Variants in ASIC2 observed in about 807,000 individuals in gnomAD.
The protein encoded by ASIC2 is acid sensing ion channel subunit 2.
Under a neutral mutation model 57.3 loss-of-function variants are expected in ASIC2, and 25 were observed. The ratio of observed to expected loss-of-function variants is 0.44; its 90% CI spans 0.32 to 0.61. The LOEUF (loss-of-function observed/expected upper bound fraction) is 0.61. Ranked by LOEUF, ASIC2 falls within the 20% of genes least tolerant of loss-of-function variation. ASIC2 has a pLI of 0.06. For missense variants in ASIC2, 641 were observed against 738.1 expected, an observed-to-expected ratio of 0.87 and a Z score of 1.52; for synonymous variants, 319 against 307.5, an observed-to-expected ratio of 1.04 and a Z score of -0.39.
intron 1 of ASIC2, among the ~76,000 whole-genome samples, chr17:34,011,003 C>CACACACAG (rs1555580897): frequency 8.5e-5 from 5 of 58,906 alleles, no homozygotes; most frequent in South Asian, 5.8e-4. Context: ...GTCAGACACA[C>CACACACAG]ACACACACAG....
rs532004507 is a variant in ASIC2, at chr17:33,106,351, T to C, written c.859+5566A>G. ...TTATCATGTTAACACTAATTAACAC[T>C]AGGATTTGGGGAAATCAGGGCAGAT... On this transcript the variant is annotated intron_variant, in intron 2 of 9. Coordinates refer to ENST00000225823, the MANE Select transcript of ASIC2 (RefSeq NM_183377.2). Among the ~76,000 whole-genome samples the C allele has an allele frequency of 2.9e-4, 44 of 152,290 alleles. No homozygotes were observed. In the South Asian group the frequency reaches 5.2e-3, roughly 18 times the overall value.
intron 1 of ASIC2, among the ~76,000 whole-genome samples, chr17:33,118,719 G>A (rs2092290083): frequency 6.6e-6 from 1 of 152,118 alleles, no homozygotes; most frequent in African/African-American, 2.4e-5. Flanking sequence ...ACTTGTCCCA[G>A]GTCACGCAGC....
At chr17:33,718,843 C>A (rs1034233563) in intron 1 of ASIC2, among the ~76,000 whole-genome samples, 3 of 152,178 alleles carry the variant, frequency 2.0e-5, no homozygotes, top group African/African-American at 7.2e-5. Flanking sequence ...CAGCTAGCAG[C>A]TTGCAGGTGG....
At chr17:33,731,463 A>G (rs2142091036) in intron 1 of ASIC2, among the ~76,000 whole-genome samples, 1 of 152,274 alleles carries the variant, frequency 6.6e-6, no homozygotes, top group African/African-American at 2.4e-5. Flanking sequence ...GGAAAGTTTG[A>G]ATCAAATGTC....
chr17:33,383,836 A>G (rs568475352), intron 1 of ASIC2, among the ~76,000 whole-genome samples: 3 of 152,202 alleles, frequency 2.0e-5, no homozygotes, highest in Admixed American at 6.5e-5. Flanking sequence ...CAAAGGGTCA[A>G]CCAATTTAGC....
At chr17:33,788,447 T>C (rs1911669298) in intron 1 of ASIC2, among the ~76,000 whole-genome samples, 1 of 152,158 alleles carries the variant, frequency 6.6e-6, no homozygotes, top group African/African-American at 2.4e-5. Flanking sequence ...GCTTTTACAC[T>C]GTTGGTGGGA....
chr17:33,204,294 C>T lies in ASIC2; in HGVS notation c.708+87114G>A, dbSNP rs114057903. Among the ~76,000 whole-genome samples, 1,240 of 152,338 alleles carry T rather than the reference C, an allele frequency of 8.1e-3. 14 individuals are homozygous for T. Among genetic ancestry groups the T allele is most frequent in the African/African-American group, 0.028 (1,163 of 41,574 alleles). On this transcript the variant is annotated intron_variant, in intron 1 of 9. Coordinates refer to ENST00000225823, the MANE Select transcript of ASIC2 (RefSeq NM_183377.2). Reference sequence around the variant, plus strand: ...TCCCCTTGTCCAGCTCTGGTCACTACGTTCTTGTTACCTGCAGGCTCAGCC... The same window carrying T: ...TCCCCTTGTCCAGCTCTGGTCACTATGTTCTTGTTACCTGCAGGCTCAGCC...
At position 33,788,714 on chromosome 17, in the gene ASIC2, T is replaced by C. The variant is rs139628947; in HGVS notation, c.555+367264A>G. 2.0e-5 allele frequency among the ~76,000 whole-genome samples: 3 copies of C among 152,302 alleles called. No homozygotes were observed. The East Asian group carries it at 5.8e-4, about 29-fold the overall frequency. Reference sequence around the variant, plus strand: ...GGTACATATACACCATGGATTACTATGCAGCCATAAAAAGGAATGAGATCA... The same window carrying C: ...GGTACATATACACCATGGATTACTACGCAGCCATAAAAAGGAATGAGATCA... On this transcript the variant is annotated intron_variant, in intron 1 of 9. Transcript: ENST00000359872.
intron 1 of ASIC2, among the ~76,000 whole-genome samples, chr17:33,746,313 T>C (rs1365878605): frequency 1.3e-5 from 2 of 149,902 alleles, no homozygotes; most frequent in African/African-American, 2.4e-5. Context: ...TATATACATG[T>C]ACACATATAT....
chr17:33,773,343 C>G (rs1363227182), intron 1 of ASIC2, among the ~76,000 whole-genome samples: 1 of 152,100 alleles, frequency 6.6e-6, no homozygotes, highest in African/African-American at 2.4e-5. Flanking sequence ...ACTTTTCACA[C>G]CCCAGATTGC....
chr17:33,640,737 G>A (rs977791639), intron 1 of ASIC2, among the ~76,000 whole-genome samples: 3 of 151,984 alleles, frequency 2.0e-5, no homozygotes, highest in African/African-American at 7.2e-5. Flanking sequence ...TCTGCGGTGT[G>A]GAGTCAGTCA....
intron 1 of ASIC2, among the ~76,000 whole-genome samples, chr17:33,614,964 G>T (rs771900776): frequency 5.9e-5 from 9 of 152,178 alleles, no homozygotes; most frequent in Non-Finnish European, 1.0e-4. Flanking sequence ...CACTTCATAG[G>T]CTTGCTGTGT....
At chr17:33,659,528 T>C (rs1216476057) in intron 1 of ASIC2, among the ~76,000 whole-genome samples, 1 of 152,150 alleles carries the variant, frequency 6.6e-6, no homozygotes, top group Non-Finnish European at 1.5e-5. Flanking sequence ...AGGGTTTGTG[T>C]ATCTGAACAA....
intron 2 of ASIC2, among the ~76,000 whole-genome samples, chr17:33,097,767 G>T (rs2092188920): frequency 6.6e-6 from 1 of 152,194 alleles, no homozygotes; most frequent in Non-Finnish European, 1.5e-5. Context: ...AGTGAGTGTG[G>T]GACAGCGACA....
rs972799916 is a variant in ASIC2 at position 33,074,486 on chromosome 17, G to A, written c.987+14377C>T. 2.6e-5 allele frequency among the ~76,000 whole-genome samples: 4 copies of A among 152,150 alleles called. No individual in the cohort carries two copies. The East Asian group carries it at 5.8e-4, about 22-fold the overall frequency. On this transcript the variant is annotated intron_variant, in intron 3 of 9. Coordinates refer to ENST00000225823, the MANE Select transcript of ASIC2 (RefSeq NM_183377.2). Reference sequence around the variant, plus strand: ...ATTTGCTGAGCTGACCTTCCTTCCCGAGCACCTGGGGTTCCTCACGGCATC... The same window carrying A: ...ATTTGCTGAGCTGACCTTCCTTCCCAAGCACCTGGGGTTCCTCACGGCATC...
intron 1 of ASIC2, among the ~76,000 whole-genome samples, chr17:33,378,632 A>G (rs1335981620): frequency 6.6e-6 from 1 of 152,278 alleles, no homozygotes; most frequent in Non-Finnish European, 1.5e-5. Flanking sequence ...TAGATTACGC[A>G]GCAGGCTTTT....
At chr17:33,832,035 A>G (rs1913129360) in intron 1 of ASIC2, among the ~76,000 whole-genome samples, 1 of 152,210 alleles carries the variant, frequency 6.6e-6, no homozygotes, top group Non-Finnish European at 1.5e-5. Context: ...GACAAAAACC[A>G]TCGTAGTTCA....
At chr17:33,336,897 C>T (rs188366557) in intron 1 of ASIC2, among the ~76,000 whole-genome samples, 67 of 151,842 alleles carry the variant, frequency 4.4e-4, no homozygotes, top group African/African-American at 1.6e-3. Context: ...GGCAGAGGAC[C>T]CAGAGGCTCT....
chr17:33,316,784 C>G (rs1241887500), intron 1 of ASIC2, among the ~76,000 whole-genome samples: 2 of 152,178 alleles, frequency 1.3e-5, no homozygotes, highest in Non-Finnish European at 2.9e-5. Context: ...GTATAAAACT[C>G]AAGTAATTAG....
Sources: allele counts gnomAD v4.1 joint callset (sites outside exome capture counted in the v4.1 genomes callset), GRCh38; gene constraint gnomAD v4.1.1; transcripts MANE v1.5; gene names NCBI Gene and HGNC (gene_info 2026-07-23, HGNC 2026-07-21).